The following SLC25A21 variants were observed in gnomAD, a reference collection of about 807,000 sequenced individuals.
The protein encoded by SLC25A21 is solute carrier family 25 member 21, also known as mitochondrial 2-oxodicarboxylate carrier.
SLC25A21 carries 47 observed loss-of-function variants against 43.8 expected under a neutral mutation model. That is an observed-to-expected ratio of 1.07 (90% CI 0.85 to 1.37). The LOEUF is 1.37. SLC25A21 is among the 40% of genes most tolerant of loss of function. SLC25A21 has a pLI of 0.00. For synonymous variants in SLC25A21, 131 were observed against 121.3 expected, an observed-to-expected ratio of 1.08 and a Z score of -0.52; for missense variants, 352 against 350.2, an observed-to-expected ratio of 1.00 and a Z score of -0.04.
chr14:36,971,283 A>G (rs1959742521), intron 1 of SLC25A21, among the ~76,000 whole-genome samples: 1 of 152,180 alleles, frequency 6.6e-6, no homozygotes, highest in Non-Finnish European at 1.5e-5. Flanking sequence ...CTGCAGACAT[A>G]GACAAACAAG....
intron 1 of SLC25A21, among the ~76,000 whole-genome samples, chr14:36,998,660 A>G (rs1960423568): frequency 6.6e-6 from 1 of 152,168 alleles, no homozygotes; most frequent in South Asian, 2.1e-4. Context: ...CTTCTGATAA[A>G]GGACTATTAT....
chr14:36,933,613 C>T (rs921725160), intron 1 of SLC25A21, among the ~76,000 whole-genome samples: 2 of 152,110 alleles, frequency 1.3e-5, no homozygotes, highest in Non-Finnish European at 2.9e-5. Flanking sequence ...AAAGCAGACA[C>T]CAACACCAAA....
intron 2 of SLC25A21, among the ~76,000 whole-genome samples, chr14:36,817,856 C>T (rs140573119): frequency 1.3e-5 from 2 of 152,274 alleles, no homozygotes; most frequent in East Asian, 1.9e-4. Context: ...CTTGTGCAAA[C>T]GTGTATACAG....
At chr14:36,764,078 A>AGG (rs1566587533) in intron 3 of SLC25A21, among the ~76,000 whole-genome samples, 13 of 62,550 alleles carry the variant, frequency 2.1e-4, no homozygotes, top group African/African-American at 7.9e-4. Flanking sequence ...GAAAGAAAGA[A>AGG]AGAAGGAAGG....
intron 3 of SLC25A21, among the ~76,000 whole-genome samples, chr14:36,756,583 C>T (rs1410684160): frequency 2.0e-5 from 3 of 152,292 alleles, no homozygotes; most frequent in Admixed American, 1.3e-4. Flanking sequence ...TGGTCACTGC[C>T]TACCCATTTC....
intron 1 of SLC25A21, among the ~76,000 whole-genome samples, chr14:37,103,079 A>G (rs1478910610): frequency 6.6e-6 from 1 of 152,238 alleles, no homozygotes; most frequent in East Asian, 1.9e-4. Flanking sequence ...TACTGGATAA[A>G]GAAAACTGAA....
At chr14:36,853,570 G>C (rs1380797177) in intron 2 of SLC25A21, among the ~76,000 whole-genome samples, 1 of 152,122 alleles carries the variant, frequency 6.6e-6, no homozygotes. Context: ...TCCTGTGAGT[G>C]GCCTGGCTGC....
intron 3 of SLC25A21, among the ~76,000 whole-genome samples, chr14:36,792,798 AC>A (rs1393413366): frequency 6.6e-6 from 1 of 152,196 alleles, no homozygotes; most frequent in Admixed American, 6.5e-5. Context: ...AAAAAGTTAA[AC>A]AATTTATGGA....
chr14:36,809,441 TA>T (rs1174943941), intron 3 of SLC25A21, among the ~76,000 whole-genome samples: 1 of 152,166 alleles, frequency 6.6e-6, no homozygotes. Flanking sequence ...CTCACTTCTG[TA>T]AAGCTGTGTT....
chr14:37,169,623 T>C (rs1247999648), intron 1 of SLC25A21, among the ~76,000 whole-genome samples: 2 of 132,758 alleles, frequency 1.5e-5, no homozygotes, highest in South Asian at 5.4e-4. Context: ...GTTGTATTCA[T>C]GGACAATACC....
chr14:37,150,132 CA>C (rs1441507785), intron 1 of SLC25A21, among the ~76,000 whole-genome samples: 1 of 152,084 alleles, frequency 6.6e-6, no homozygotes, highest in African/African-American at 2.4e-5. Flanking sequence ...ATTTGAGTCC[CA>C]GATACATAAA....
At chr14:36,947,711 C>T (rs2138657414) in intron 1 of SLC25A21, among the ~76,000 whole-genome samples, 1 of 152,310 alleles carries the variant, frequency 6.6e-6, no homozygotes, top group African/African-American at 2.4e-5. Flanking sequence ...TACATTTTCT[C>T]TCTCCAATGT....
chr14:36,819,597 A>G (rs983327870), intron 2 of SLC25A21, among the ~76,000 whole-genome samples: 1 of 152,192 alleles, frequency 6.6e-6, no homozygotes, highest in African/African-American at 2.4e-5. Flanking sequence ...AAAAGTCTCA[A>G]GACAAGGGTG....
chr14:37,010,011 G>C (rs866740278), intron 1 of SLC25A21, among the ~76,000 whole-genome samples: 3 of 152,196 alleles, frequency 2.0e-5, no homozygotes, highest in Non-Finnish European at 2.9e-5. Flanking sequence ...AACGTTTAGA[G>C]TCAGAATATC....
intron 3 of SLC25A21, among the ~76,000 whole-genome samples, chr14:36,778,166 T>C (rs1488661806): frequency 1.3e-5 from 2 of 152,180 alleles, no homozygotes; most frequent in Non-Finnish European, 2.9e-5. Flanking sequence ...AATTGCAGCA[T>C]ACCCAAGCTT....
intron 1 of SLC25A21, among the ~76,000 whole-genome samples, chr14:37,130,133 C>A (rs1308067236): frequency 6.7e-6 from 1 of 149,990 alleles, no homozygotes; most frequent in Non-Finnish European, 1.5e-5. Flanking sequence ...CATGGTGGTG[C>A]ATGCCTGTAG....
At chr14:37,074,413 G>A (rs1164855401) in intron 1 of SLC25A21, among the ~76,000 whole-genome samples, 2 of 152,226 alleles carry the variant, frequency 1.3e-5, no homozygotes, top group South Asian at 2.1e-4. Flanking sequence ...CTCCAAATCC[G>A]CTCTTTTCTA....
rs8006380 is a variant in SLC25A21 at position 37,120,208 on chromosome 14, C to A, written c.70+52073G>T. ...GATTTTCCCTTCCTTTAAAAACTGC[C>A]AATCTTTATACAAAAGTCACTGGAG... On this transcript the variant is annotated intron_variant, in intron 1 of 9. Coordinates refer to ENST00000331299, the MANE Select transcript of SLC25A21 (RefSeq NM_030631.4). Among the ~76,000 whole-genome samples the A allele has an allele frequency of 8.2e-3, 1,255 of 152,156 alleles. 8 individuals carry two copies. Among genetic ancestry groups the A allele is most frequent in the Non-Finnish European group, 0.011 (759 of 68,000 alleles).
intron 1 of SLC25A21, among the ~76,000 whole-genome samples, chr14:37,024,980 G>A (rs1489997087): frequency 6.6e-6 from 1 of 151,964 alleles, no homozygotes; most frequent in Non-Finnish European, 1.5e-5. Context: ...AAGATACACT[G>A]GATACATAAT....
Sources: allele counts gnomAD v4.1 joint callset (sites outside exome capture counted in the v4.1 genomes callset), GRCh38; gene constraint gnomAD v4.1.1; transcripts MANE v1.5; gene names NCBI Gene and HGNC (gene_info 2026-07-23, HGNC 2026-07-21).